Variants in CAPN2 observed in about 807,000 individuals in gnomAD.
The protein encoded by CAPN2 is calpain 2.
In CAPN2, 92 loss-of-function variants were observed where a neutral mutation model predicts 102.3. The observed-to-expected ratio is 0.90, with a 90% CI of 0.76 to 1.07. The LOEUF is 1.07. Among genes scored for constraint, CAPN2 ranks in the 50% least tolerant of loss-of-function variants. The pLI is 0.00. For missense variants in CAPN2, 800 were observed against 909.4 expected (o/e 0.88, Z 1.55); for synonymous variants, 340 against 355.4 (o/e 0.96, Z 0.49).
At chr1:223,768,544 C>T (rs897228703) in intron 16 of CAPN2, among the ~76,000 whole-genome samples, 6 of 152,144 alleles carry the variant, frequency 3.9e-5, no homozygotes, top group Non-Finnish European at 8.8e-5. Flanking sequence ...TTCCATTGAT[C>T]TATATCTGTT....
At chr1:223,702,594 T>A (rs1320881166) in intron 1 of CAPN2, among the ~76,000 whole-genome samples, 1 of 152,212 alleles carries the variant, frequency 6.6e-6, no homozygotes, top group East Asian at 1.9e-4. Flanking sequence ...TATCTCTAAG[T>A]CCATAGAAAA....
At chr1:223,718,904 G>T (rs931848368) in intron 2 of CAPN2, among the ~76,000 whole-genome samples, 1 of 152,186 alleles carries the variant, frequency 6.6e-6, no homozygotes, top group Non-Finnish European at 1.5e-5. Flanking sequence ...TGACCCCAGG[G>T]TATGTTTAAT....
intron 2 of CAPN2, among the ~76,000 whole-genome samples, chr1:223,722,829 A>G (rs1019433849): frequency 1.3e-5 from 2 of 152,178 alleles, no homozygotes; most frequent in African/African-American, 4.8e-5. Flanking sequence ...CTTTATGCAG[A>G]TTCTCTTAGT....
intron 2 of CAPN2, among the ~76,000 whole-genome samples, chr1:223,729,997 G>A (rs992571293): frequency 5.9e-5 from 6 of 102,060 alleles, no homozygotes; most frequent in Non-Finnish European, 1.1e-4. Context: ...AGCAAGACTC[G>A]CTCCCAAAAA....
chr1:223,736,367 G>A (rs530530665), intron 2 of CAPN2, among the ~76,000 whole-genome samples: 1 of 152,334 alleles, frequency 6.6e-6, no homozygotes, highest in Non-Finnish European at 1.5e-5. Context: ...CTGGTGCCCA[G>A]AGACAAAAAG....
At chr1:223,733,702 C>A (rs1230324996) in intron 2 of CAPN2, among the ~76,000 whole-genome samples, 2 of 152,198 alleles carry the variant, frequency 1.3e-5, no homozygotes, top group African/African-American at 4.8e-5. Flanking sequence ...GATTCAAAAA[C>A]ACAAATCAAA....
At chr1:223,758,899 G>A (rs994746511) in intron 11 of CAPN2, 1 of 308,764 alleles carries the variant, frequency 3.2e-6, no homozygotes, top group Non-Finnish European at 6.3e-6. Flanking sequence ...TCACTACATT[G>A]CCCAGGCTGG....
chr1:223,749,761 T>C (rs28370069), intron 6 of CAPN2, among the ~76,000 whole-genome samples: 8,410 of 152,194 alleles, frequency 0.055, 310 homozygotes, highest in Non-Finnish European at 0.084. Context: ...ACACCTGAAA[T>C]CCCAACACTT....
At chr1:223,746,892 G>T (rs908705743) in intron 4 of CAPN2, 105 bp from the exon 5 acceptor site, 78 of 956,016 alleles carry the variant, frequency 8.2e-5, no homozygotes, top group Admixed American at 6.4e-4. Context: ...GTGAGCAGGG[G>T]GTCCCTGGAG....
At chr1:223,716,367 A>G (rs1038096882) in intron 1 of CAPN2, among the ~76,000 whole-genome samples, 3 of 152,132 alleles carry the variant, frequency 2.0e-5, no homozygotes, top group African/African-American at 4.8e-5. Context: ...ACCAAGCCCA[A>G]TCTATTCCAT....
chr1:223,716,115 T>C lies in CAPN2; in HGVS notation c.238-1647T>C, dbSNP rs142567789. Among the ~76,000 whole-genome samples, 136 of 151,138 alleles carry C rather than the reference T, an allele frequency of 9.0e-4. 1 individual carries two copies. Among genetic ancestry groups the C allele is most frequent in the African/African-American group, 3.1e-3 (129 of 41,496 alleles). On this transcript the variant is annotated intron_variant, in intron 1 of 20. Transcript: ENST00000295006. ...GCAAAGCCCAAACCCTCAGCCCCTT[T>C]TCACTGACTGGTAAGACCCATATTT...
In CAPN2 at chr1:223,769,842, C is replaced by G. The variant is rs533912773; in HGVS notation, c.1757C>G (p.Ser586Trp). 19 of 1,607,602 alleles carry G rather than the reference C, an allele frequency of 1.2e-5. No homozygotes were observed. The South Asian group carries it at 2.1e-4, about 18-fold the overall frequency. The change falls in exon 17 of 21, where the codon TCG (serine) becomes TGG (tryptophan). Residue 586 changes from serine (S) to tryptophan (W), a missense_variant and splice_region_variant. Ser to Trp is a radical substitution (Grantham distance 177, BLOSUM62 -3). Coordinates refer to ENST00000295006, the MANE Select transcript of CAPN2 (RefSeq NM_001748.5). ...TCKIMVDMLDSDGSGKLGLKE... is the reference protein window; with the variant it reads ...TCKIMVDMLDWDGSGKLGLKE... ...AGGGCTTTCCTTGACTGAAGGCAGT[C>G]GGACGGGAGTGGCAAGCTGGGGCTG...
rs548841923 is a variant in CAPN2, at chr1:223,754,276, C to T, written c.1136-1204C>T. 6.6e-6 allele frequency among the ~76,000 whole-genome samples: 1 copy of T among 152,328 alleles called. No homozygotes were observed. The highest frequency in any genetic ancestry group is 1.9e-4 in the East Asian group (1 of 5,184). Reference sequence around the variant, plus strand: ...GGCCTACAGTTCTGGGGCTCGGACTCCTTCACCTCAAGTATGCAGCCACCA... The same window carrying T: ...GGCCTACAGTTCTGGGGCTCGGACTTCTTCACCTCAAGTATGCAGCCACCA... On this transcript the variant is annotated intron_variant, in intron 9 of 20. Transcript: ENST00000295006. The surrounding 1 kb of genome is among the most constrained non-coding windows in gnomAD (Gnocchi z 4.7).
chr1:223,774,808 T>C (rs779280050), intron 20 of CAPN2, 26 bp from the exon 21 acceptor site: 13 of 1,611,170 alleles, frequency 8.1e-6, no homozygotes, highest in Non-Finnish European at 9.3e-6. Flanking sequence ...GTCACTGAGC[T>C]GACTTTTTTT....
At chr1:223,724,781 C>T (rs1660144856) in intron 2 of CAPN2, among the ~76,000 whole-genome samples, 1 of 151,880 alleles carries the variant, frequency 6.6e-6, no homozygotes, top group Non-Finnish European at 1.5e-5. Context: ...ACCAGCCAAG[C>T]AACATAATGA....
At position 223,717,746 on chromosome 1, in the gene CAPN2, T is replaced by C. The variant is rs1659915529; in HGVS notation, c.238-16T>C. Reference sequence around the variant, plus strand: ...TGGCTGGTAGGCTAACAGCACTTTGTGGGTCTCGTTCCCAGGAGATCTGCG... The same window carrying C: ...TGGCTGGTAGGCTAACAGCACTTTGCGGGTCTCGTTCCCAGGAGATCTGCG... On this transcript the variant is annotated splice_polypyrimidine_tract_variant and intron_variant, in intron 1 of 20. Transcript: ENST00000295006. 1 of 1,612,266 alleles carries C rather than the reference T, an allele frequency of 6.2e-7. No individual in the cohort carries two copies. Among genetic ancestry groups the C allele is most frequent in the Non-Finnish European group, 8.5e-7 (1 of 1,178,476 alleles).
intron 17 of CAPN2, chr1:223,770,149 C>CTGATTATTGGG (rs1661435220): frequency 1.7e-6 from 1 of 583,468 alleles, no homozygotes; most frequent in South Asian, 2.2e-5. Context: ...ATCTAAAGGC[C>CTGATTATTGGG]ACCATCAAGG....
At chr1:223,734,683 G>A (rs1660408521) in intron 2 of CAPN2, among the ~76,000 whole-genome samples, 1 of 152,036 alleles carries the variant, frequency 6.6e-6, no homozygotes. Flanking sequence ...TGCCAAATGT[G>A]GCCAAGGTCT....
At chr1:223,739,577 A>G (rs1660556895) in intron 2 of CAPN2, among the ~76,000 whole-genome samples, 1 of 152,108 alleles carries the variant, frequency 6.6e-6, no homozygotes, top group South Asian at 2.1e-4. Context: ...TGCTTGTGCC[A>G]AGTGCACTGT....
Sources: gnomAD v4.1 joint callset for allele counts (sites outside exome capture counted in the v4.1 genomes callset) on GRCh38, gnomAD v4.1.1 for gene constraint, Gnocchi (gnomAD v3.1) non-coding constraint, MANE v1.5 for transcripts, NCBI Gene and HGNC (gene_info 2026-07-23, HGNC 2026-07-21) for gene names.